The following C6orf89 variants were observed in gnomAD, a reference collection of about 807,000 sequenced individuals.
C6orf89 encodes bombesin receptor-activated protein C6orf89.
In C6orf89, 29 loss-of-function variants were observed where a neutral mutation model predicts 40.7. That is an observed-to-expected ratio of 0.71 (90% CI 0.53 to 0.97). The LOEUF is 0.97. C6orf89 is among the 50% of genes least tolerant of loss of function. C6orf89 has a pLI of 0.00. For missense variants in C6orf89, 392 were observed against 429.1 expected, an observed-to-expected ratio of 0.91 and a Z score of 0.76; for synonymous variants, 165 against 152.2, an observed-to-expected ratio of 1.08 and a Z score of -0.62.
chr6:36,901,318 A>ATTTTTTTTTTTTTTTTTT (rs1408790414), intron 3 of C6orf89, among the ~76,000 whole-genome samples: 9 of 65,106 alleles, frequency 1.4e-4, no homozygotes, highest in East Asian at 3.7e-4. Flanking sequence ...TATTATTATT[A>ATTTTTTTTTTTTTTTTTT]TTATTTTTTT....
intron 1 of C6orf89, among the ~76,000 whole-genome samples, chr6:36,890,414 C>T (rs1430122522): frequency 6.6e-6 from 1 of 152,120 alleles, no homozygotes; most frequent in Non-Finnish European, 1.5e-5. Flanking sequence ...CTTTCTGTGT[C>T]TGGCTTATTT....
intron 4 of C6orf89, among the ~76,000 whole-genome samples, chr6:36,909,185 T>G (rs979525682): frequency 2.0e-5 from 3 of 151,396 alleles, no homozygotes; most frequent in African/African-American, 7.3e-5. Flanking sequence ...TTGTGGGTTT[T>G]TTTTTTTTTT....
rs1774969514 is a variant in C6orf89, at chr6:36,886,028, T to A, written c.-120T>A. 3.2e-6 allele frequency: 4 copies of A among 1,256,488 alleles called. No homozygotes were observed. Among genetic ancestry groups the A allele is most frequent in the African/African-American group, 1.5e-5 (1 of 64,598 alleles). 77.8% of individuals were successfully genotyped at this position (1,256,488 alleles called of 1,614,324 possible). A position where few individuals can be genotyped will look rare whatever the true frequency, so the allele number is the denominator to read the frequency against. On this transcript the variant is annotated splice_region_variant and 5_prime_UTR_variant, in exon 1 of 9. It removes an upstream start codon present in the reference 5' UTR. Coordinates refer to ENST00000480824, the MANE Select transcript of C6orf89 (RefSeq NM_001286635.2). Reference sequence around the variant, plus strand: ...GAGCCCGAGGGGCGCGAGCCCCGCATGTGAGTGACTGGGGCCCGAGGCTGG... The same window carrying A: ...GAGCCCGAGGGGCGCGAGCCCCGCAAGTGAGTGACTGGGGCCCGAGGCTGG...
intron 2 of C6orf89, among the ~76,000 whole-genome samples, chr6:36,898,340 C>T (rs111620920): frequency 0.023 from 3,466 of 148,086 alleles, 115 homozygotes; most frequent in African/African-American, 0.08. Flanking sequence ...AGTGCAATGG[C>T]GTGATCTCGG....
At chr6:36,908,583 TAATA>T (rs1256292236) in intron 4 of C6orf89, among the ~76,000 whole-genome samples, 5 of 152,206 alleles carry the variant, frequency 3.3e-5, no homozygotes, top group African/African-American at 1.2e-4. Context: ...TAGATATACT[TAATA>T]TATATAAATA....
At chr6:36,901,336 TTTTTTTTTTTTTTTTTG>T (rs1761699434) in intron 3 of C6orf89, among the ~76,000 whole-genome samples, 1 of 56,922 alleles carries the variant, frequency 1.8e-5, no homozygotes, top group African/African-American at 6.0e-5. Flanking sequence ...TTTTTTTTTT[TTTTTTTTTTTTTTTTTG>T]AGATGCAGTC....
chr6:36,888,851 A>C (rs1008343968), intron 1 of C6orf89, among the ~76,000 whole-genome samples: 1 of 152,204 alleles, frequency 6.6e-6, no homozygotes, highest in African/African-American at 2.4e-5. Context: ...GGAGTGAGGT[A>C]GGAGGAGAAT....
At chr6:36,912,593 G>T (rs1762165869) in intron 4 of C6orf89, among the ~76,000 whole-genome samples, 1 of 152,182 alleles carries the variant, frequency 6.6e-6, no homozygotes, top group Admixed American at 6.5e-5. Context: ...GAAACAGGTG[G>T]TACTAAAGGG....
At chr6:36,913,855 T>G (rs556292403) in intron 4 of C6orf89, among the ~76,000 whole-genome samples, 3 of 152,312 alleles carry the variant, frequency 2.0e-5, no homozygotes, top group South Asian at 4.1e-4. Flanking sequence ...TGCTTATCAT[T>G]GTTTGTTTTT....
intron 1 of C6orf89, among the ~76,000 whole-genome samples, chr6:36,887,751 T>C (rs923618978): frequency 6.6e-6 from 1 of 152,184 alleles, no homozygotes. Context: ...AGGAATCTCA[T>C]TCCATCACCC....
chr6:36,914,134 T>C, intron 4 of C6orf89, 150 bp from the exon 5 acceptor site: 1 of 741,464 alleles, frequency 1.3e-6, no homozygotes. Context: ...CACTCCAGCC[T>C]GGGCGACAGA....
intron 1 of C6orf89, among the ~76,000 whole-genome samples, chr6:36,886,992 CAAGACCTGCTTTG>C (rs561956659): frequency 1.3e-3 from 205 of 152,350 alleles, no homozygotes; most frequent in African/African-American, 4.9e-3. Flanking sequence ...AGGCATTTTT[CAAGACCTGCTTTG>C]AATACCTGTT....
At chr6:36,875,663 A>T (rs1027441742) in intron 1 of C6orf89, among the ~76,000 whole-genome samples, 12 of 152,262 alleles carry the variant, frequency 7.9e-5, no homozygotes, top group Admixed American at 1.3e-4. Flanking sequence ...CCACTTAATA[A>T]TGATGGTTGA....
upstream of C6orf89, among the ~76,000 whole-genome samples, chr6:36,884,160 G>A (rs1211105868): frequency 6.6e-6 from 1 of 152,162 alleles, no homozygotes; most frequent in Admixed American, 6.5e-5. This position sits in a 1 kb window ranked among gnomAD's most constrained non-coding sequence, Gnocchi z 4.0. Context: ...TACTCAATAG[G>A]CTGAGGCGGG....
chr6:36,917,870 A>AG, intron 7 of C6orf89, among the ~76,000 whole-genome samples: 1 of 152,292 alleles, frequency 6.6e-6, no homozygotes, highest in South Asian at 2.1e-4. Context: ...CGTGTGCAAC[A>AG]CCAAGGAGCC....
chr6:36,897,401 C>T (rs449840), intron 2 of C6orf89, among the ~76,000 whole-genome samples: 88,780 of 151,946 alleles, frequency 0.58, 26,705 homozygotes, highest in African/African-American at 0.71. Context: ...CCTGAAAATA[C>T]TGTATTTTCA....
Position 36,914,340 on chromosome 6 carries a change from G to A in C6orf89, c.460G>A (p.Ala154Thr), listed in dbSNP as rs1386593650. The A allele has an allele frequency of 1.2e-6, 2 of 1,614,144 alleles. No homozygotes were observed. Among genetic ancestry groups the A allele is most frequent in the Non-Finnish European group, 1.7e-6 (2 of 1,180,024 alleles). The change falls in exon 5 of 9, where the codon GCC becomes ACC. Residue 154 changes from alanine to threonine, a missense_variant. Ala to Thr is a moderately conservative substitution (Grantham distance 58). Transcript: ENST00000480824. ...CEQNESEPIP[A>T]NCTGCAQKHL... ...GCAGAATGAGTCAGAGCCCATTCCTGCCAACTGCACTGGCTGTGCCCAGAA... is the reference window on the plus strand; with the variant it reads ...GCAGAATGAGTCAGAGCCCATTCCTACCAACTGCACTGGCTGTGCCCAGAA...
chr6:36,926,717 T>A lies in C6orf89; in HGVS notation c.*3276T>A, dbSNP rs943404715. The stretch of plus-strand genomic sequence containing the variant: ...AAAGTGCCTGATATACATGATCTCC[T>A]TTAATCTTCACCCAATCCTGTAAAG... On this transcript the variant is annotated 3_prime_UTR_variant, in exon 9 of 9. Transcript: ENST00000480824. The A allele has an allele frequency of 6.6e-6, 1 of 152,232 alleles. No individual in the cohort carries two copies. The highest frequency in any genetic ancestry group is 2.4e-5 in the African/African-American group (1 of 41,462). 9.4% of individuals were successfully genotyped at this position (152,232 alleles called of 1,614,324 possible).
At chr6:36,884,130 C>T (rs144140608), upstream of C6orf89, among the ~76,000 whole-genome samples, 32 of 152,282 alleles carry the variant, frequency 2.1e-4, no homozygotes, top group East Asian at 5.8e-3. This position sits in a 1 kb window ranked among gnomAD's most constrained non-coding sequence, Gnocchi z 4.0. Flanking sequence ...GGCGTGGTGG[C>T]AGGTGCCTGT....
Sources: allele counts gnomAD v4.1 joint callset (sites outside exome capture counted in the v4.1 genomes callset), GRCh38; gene constraint gnomAD v4.1.1; non-coding constraint Gnocchi (gnomAD v3.1); transcripts MANE v1.5; gene names NCBI Gene and HGNC (gene_info 2026-07-23, HGNC 2026-07-21).